Variants in COL11A1 observed in about 807,000 individuals in gnomAD.
COL11A1 encodes collagen alpha-1(XI) chain.
In COL11A1, 74 loss-of-function variants were observed where a neutral mutation model predicts 265.2. That is an observed-to-expected ratio of 0.28 (90% CI 0.23 to 0.34). The LOEUF is 0.34. Among genes scored for constraint, COL11A1 ranks in the 10% least tolerant of loss-of-function variants. COL11A1 has a pLI of 1.00. For missense variants in COL11A1, 2,165 were observed against 2,263.6 expected, an observed-to-expected ratio of 0.96 and a Z score of 0.88; for synonymous variants, 816 against 727.6, an observed-to-expected ratio of 1.12 and a Z score of -1.96.
Position 102,962,889 on chromosome 1 carries a change from A to G in COL11A1, c.2917-129T>C, listed in dbSNP as rs1007222959. 15 of 801,162 alleles carry G rather than the reference A, an allele frequency of 1.9e-5. No individual in the cohort carries two copies. In the African/African-American group the frequency reaches 1.9e-4, roughly 10 times the overall value. The allele number at this position is 801,162 out of a possible 1,614,324, so 49.6% of individuals were successfully genotyped here. A position where few individuals can be genotyped will look rare whatever the true frequency, so the allele number is the denominator to read the frequency against. ...TCACTTATTCTCATGATGTCCTACA[A>G]AACACTTCACATAAAGCACTGAAAG... On this transcript the variant is annotated intron_variant, in intron 38 of 66. Coordinates refer to ENST00000370096, the MANE Select transcript of COL11A1 (RefSeq NM_001854.4).
At chr1:102,910,671 A>AT (rs544342505) in intron 54 of COL11A1, among the ~76,000 whole-genome samples, 98 of 147,280 alleles carry the variant, frequency 6.7e-4, no homozygotes, top group East Asian at 3.0e-3. Context: ...TTATGAGGTG[A>AT]TTTTTTTTTT....
chr1:102,907,521 T>A (rs1654132680), intron 54 of COL11A1, among the ~76,000 whole-genome samples: 1 of 152,044 alleles, frequency 6.6e-6, no homozygotes, highest in Non-Finnish European at 1.5e-5. Context: ...CAGAAGTAAC[T>A]ACCATCCTAA....
chr1:102,988,167 T>A (rs561874199), intron 29 of COL11A1, among the ~76,000 whole-genome samples: 1 of 152,258 alleles, frequency 6.6e-6, no homozygotes, highest in Non-Finnish European at 1.5e-5. Flanking sequence ...TTTGCATTTC[T>A]GACAACCAGC....
intron 24 of COL11A1, among the ~76,000 whole-genome samples, chr1:103,000,759 C>T (rs1439272407): frequency 6.6e-6 from 1 of 151,734 alleles, no homozygotes; most frequent in Non-Finnish European, 1.5e-5. Flanking sequence ...AAGTATATAC[C>T]AAAAAGAATG....
chr1:103,079,503 C>T (rs1027707126), intron 2 of COL11A1, among the ~76,000 whole-genome samples: 1 of 151,994 alleles, frequency 6.6e-6, no homozygotes, highest in Non-Finnish European at 1.5e-5. Flanking sequence ...TGCCAAATAT[C>T]TAGCATACAG....
At chr1:102,957,871 G>T (rs972673179) in intron 41 of COL11A1, among the ~76,000 whole-genome samples, 1 of 151,918 alleles carries the variant, frequency 6.6e-6, no homozygotes, top group Admixed American at 6.6e-5. Flanking sequence ...ACCATTCCAA[G>T]TTGCAAGAAT....
Position 102,905,209 on chromosome 1 carries a change from A to C in COL11A1, c.4087-6215T>G, listed in dbSNP as rs780971833. ...GGACACAGGAAAGGGAACATCACACACCAGGGACTGTTGTGGGGTGGGGGG... is the reference window on the plus strand; with the variant it reads ...GGACACAGGAAAGGGAACATCACACCCCAGGGACTGTTGTGGGGTGGGGGG... On this transcript the variant is annotated intron_variant, in intron 54 of 66. Coordinates refer to ENST00000370096, the MANE Select transcript of COL11A1 (RefSeq NM_001854.4). Among the ~76,000 whole-genome samples the C allele has an allele frequency of 2.0e-3, 230 of 117,738 alleles. 3 individuals are homozygous for C. Among genetic ancestry groups the C allele is most frequent in the Non-Finnish European group, 2.6e-3 (156 of 60,586 alleles). The allele number at this position is 117,738 out of a possible 152,430, so 77.2% of individuals were successfully genotyped here. A position where few individuals can be genotyped will look rare whatever the true frequency, so the allele number is the denominator to read the frequency against.
chr1:103,000,321 T>C lies in COL11A1; in HGVS notation c.2142+1604A>G, dbSNP rs914470121. 3.9e-5 allele frequency among the ~76,000 whole-genome samples: 6 copies of C among 152,020 alleles called. No individual in the cohort carries two copies. The East Asian group carries it at 7.7e-4, about 20-fold the overall frequency. On this transcript the variant is annotated intron_variant, in intron 24 of 66. Coordinates refer to ENST00000370096, the MANE Select transcript of COL11A1 (RefSeq NM_001854.4). ...ACATAACTAATAGGACATTTTCCAATAGTGCTGTGCAGCTATGTCTAAAAC... is the reference window on the plus strand; with the variant it reads ...ACATAACTAATAGGACATTTTCCAACAGTGCTGTGCAGCTATGTCTAAAAC...
rs181910362 is a variant in COL11A1 at position 102,985,116 on chromosome 1, A to G, written c.2503-925T>C. ...CCATTTACCTAATAAGATACTTACA[A>G]AAGCACACTTCATTTATAAAATATT... On this transcript the variant is annotated intron_variant, in intron 30 of 66. Coordinates refer to ENST00000370096, the MANE Select transcript of COL11A1 (RefSeq NM_001854.4). Among the ~76,000 whole-genome samples, 589 of 152,180 alleles carry G rather than the reference A, an allele frequency of 3.9e-3. 1 individual carries two copies. Among genetic ancestry groups the G allele is most frequent in the Middle Eastern group, 0.01 (3 of 292 alleles).
At chr1:103,100,934 T>A (rs944970122) in intron 1 of COL11A1, among the ~76,000 whole-genome samples, 2 of 151,994 alleles carry the variant, frequency 1.3e-5, no homozygotes, top group African/African-American at 4.8e-5. Context: ...AGATTCTCTA[T>A]GAAAGTGCAT....
chr1:102,976,050 A>G (rs1662433243), intron 35 of COL11A1, among the ~76,000 whole-genome samples: 1 of 152,116 alleles, frequency 6.6e-6, no homozygotes, highest in Non-Finnish European at 1.5e-5. Flanking sequence ...CTATGACACT[A>G]TGATTCCTAA....
intron 7 of COL11A1, among the ~76,000 whole-genome samples, chr1:103,025,282 G>A (rs1215000629): frequency 2.0e-5 from 3 of 152,164 alleles, no homozygotes; most frequent in African/African-American, 4.8e-5. Context: ...GGCCAATTCA[G>A]TTTGATCAAT....
intron 1 of COL11A1, among the ~76,000 whole-genome samples, chr1:103,096,986 A>G (rs1210931147): frequency 6.6e-6 from 1 of 152,022 alleles, no homozygotes; most frequent in Non-Finnish European, 1.5e-5. Context: ...CTACATGACC[A>G]TAGCTCCATA....
At chr1:103,097,113 A>G (rs1673837966) in intron 1 of COL11A1, among the ~76,000 whole-genome samples, 1 of 152,008 alleles carries the variant, frequency 6.6e-6, no homozygotes, top group Non-Finnish European at 1.5e-5. Flanking sequence ...AGAGGATCCA[A>G]TGGTAGGAAT....
intron 41 of COL11A1, among the ~76,000 whole-genome samples, chr1:102,959,851 C>A (rs928703781): frequency 9.2e-5 from 14 of 152,104 alleles, no homozygotes; most frequent in African/African-American, 3.4e-4. Flanking sequence ...GTGCTTGGTT[C>A]CTAAAAAATA....
chr1:102,962,556 G>T, intron 39 of COL11A1, 97 bp downstream of exon 39: 1 of 1,064,720 alleles, frequency 9.4e-7, no homozygotes, highest in South Asian at 1.3e-5. Context: ...CACATCTTCT[G>T]ACATTCATTT....
At chr1:102,905,703 T>G (rs796909353) in intron 54 of COL11A1, among the ~76,000 whole-genome samples, 1 of 152,120 alleles carries the variant, frequency 6.6e-6, no homozygotes, top group Non-Finnish European at 1.5e-5. Context: ...GTAATTGTTC[T>G]CATAGGAAAT....
chr1:103,082,645 G>A (rs1469906389), intron 2 of COL11A1, among the ~76,000 whole-genome samples, 160 bp downstream of exon 2: 4 of 151,974 alleles, frequency 2.6e-5, no homozygotes, highest in Non-Finnish European at 5.9e-5. Context: ...GGTATTTGGT[G>A]TCTGATATAA....
rs1674856776 is a variant in COL11A1 at position 103,108,111 on chromosome 1, G to A, written c.68C>T (p.Ala23Val). The A allele has an allele frequency of 1.2e-6, 2 of 1,613,738 alleles. No individual in the cohort carries two copies. The highest frequency in any genetic ancestry group is 2.7e-5 in the African/African-American group (2 of 74,838). Residue 23 changes from alanine to valine, a missense_variant, in exon 1 of 67, where the codon GCA (alanine) becomes GTA (valine). By Grantham distance (64) the Ala-to-Val change is moderately conservative. Transcript: ENST00000370096. ...WLWDFTVTTL[A>V]LTFLFQAREV... Reference sequence around the variant, plus strand: ...TCTAGCTTGGAAGAGGAAGGTCAATGCGAGGGTTGTTACGGTGAAATCCCA... The same window carrying A: ...TCTAGCTTGGAAGAGGAAGGTCAATACGAGGGTTGTTACGGTGAAATCCCA...
Sources: gnomAD v4.1 joint callset for allele counts (sites outside exome capture counted in the v4.1 genomes callset) on GRCh38, gnomAD v4.1.1 for gene constraint, MANE v1.5 for transcripts, NCBI Gene and HGNC (gene_info 2026-07-23, HGNC 2026-07-21) for gene names.